The following WDR27 variants were observed in gnomAD, a reference collection of about 807,000 sequenced individuals.
WDR27 encodes WD repeat-containing protein 27.
Under a neutral mutation model 114.4 loss-of-function variants are expected in WDR27, and 100 were observed. The observed-to-expected ratio is 0.87, with a 90% confidence interval of 0.74 to 1.03. The LOEUF is 1.03. Ranked by LOEUF, WDR27 falls within the 50% of genes least tolerant of loss-of-function variation. The pLI, the probability that WDR27 is intolerant of heterozygous loss-of-function variation, is 0.00. For synonymous variants in WDR27, 449 were observed against 423.1 expected, an observed-to-expected ratio of 1.06 and a Z score of -0.75; for missense variants, 1,129 against 1,092.9, an observed-to-expected ratio of 1.03 and a Z score of -0.47.
chr6:169,467,067 A>C (rs1785686816), intron 25 of WDR27, among the ~76,000 whole-genome samples: 1 of 152,178 alleles, frequency 6.6e-6, no homozygotes, highest in Non-Finnish European at 1.5e-5. Flanking sequence ...GGGGCAGCCA[A>C]ATCTTAAAGC....
intron 1 of WDR27, among the ~76,000 whole-genome samples, chr6:169,693,742 CA>C (rs1164067862): frequency 6.7e-6 from 1 of 150,342 alleles, no homozygotes; most frequent in African/African-American, 2.4e-5. Context: ...AAAAAAAAGA[CA>C]AAGAGGGACA....
chr6:169,481,643 G>A (rs1788127550), intron 25 of WDR27, among the ~76,000 whole-genome samples: 1 of 151,988 alleles, frequency 6.6e-6, no homozygotes, highest in Non-Finnish European at 1.5e-5. Flanking sequence ...CTGCCTTTAT[G>A]AGCTGTAACA....
intron 17 of WDR27, among the ~76,000 whole-genome samples, chr6:169,641,560 G>A (rs1043074637): frequency 1.3e-5 from 2 of 152,162 alleles, no homozygotes; most frequent in African/African-American, 4.8e-5. Context: ...CCTGGACATG[G>A]ACCCCGCGCT....
intron 25 of WDR27, among the ~76,000 whole-genome samples, chr6:169,465,677 G>C (rs118025213): frequency 6.6e-6 from 1 of 152,158 alleles, no homozygotes; most frequent in Non-Finnish European, 1.5e-5. Context: ...GATAAGCAAA[G>C]TGTGGACCAC....
At chr6:169,485,929 G>A (rs1017179653) in intron 25 of WDR27, among the ~76,000 whole-genome samples, 3 of 152,084 alleles carry the variant, frequency 2.0e-5, no homozygotes, top group African/African-American at 4.8e-5. Context: ...AATACTGCAC[G>A]TTTTCACAAG....
At chr6:169,685,354 T>C (rs1009198184) in intron 2 of WDR27, among the ~76,000 whole-genome samples, 10 of 150,554 alleles carry the variant, frequency 6.6e-5, no homozygotes, top group Admixed American at 2.0e-4. Flanking sequence ...ACACCAATCA[T>C]AAGAAAATAT....
chr6:169,695,521 G>A (rs1373170458), intron 1 of WDR27, among the ~76,000 whole-genome samples: 3 of 152,232 alleles, frequency 2.0e-5, no homozygotes, highest in Admixed American at 6.5e-5. Context: ...CATTTTAGAG[G>A]GTAACACTCA....
chr6:169,435,234 A>C, the WDR27 span, among the ~76,000 whole-genome samples: 1 of 152,232 alleles, frequency 6.6e-6, no homozygotes, highest in Non-Finnish European at 1.5e-5. Context: ...GTCTAGGCAG[A>C]AGTTTGCTGC....
intron 17 of WDR27, among the ~76,000 whole-genome samples, chr6:169,641,965 A>C (rs548184750): frequency 6.6e-6 from 1 of 152,348 alleles, no homozygotes; most frequent in Middle Eastern, 3.4e-3. Context: ...CTGTCTTTGG[A>C]CTAGACACAA....
At chr6:169,452,463 G>A (rs1784188839), downstream of WDR27, among the ~76,000 whole-genome samples, 1 of 152,244 alleles carries the variant, frequency 6.6e-6, no homozygotes, top group Non-Finnish European at 1.5e-5. Flanking sequence ...GCTGCAGTGA[G>A]AGCAGCCGAG....
At chr6:169,516,836 C>CACACACACACACACACA (rs1562522095) in intron 25 of WDR27, among the ~76,000 whole-genome samples, 9 of 149,804 alleles carry the variant, frequency 6.0e-5, no homozygotes, top group Non-Finnish European at 8.9e-5. Flanking sequence ...CACACACACA[C>CACACACACACACACACA]CCCTCCCTTA....
At chr6:169,488,320 G>T (rs1465151956) in intron 25 of WDR27, among the ~76,000 whole-genome samples, 1 of 152,186 alleles carries the variant, frequency 6.6e-6, no homozygotes, top group Non-Finnish European at 1.5e-5. Flanking sequence ...CTCCATGGTG[G>T]AAGAGGCAAA....
chr6:169,509,625 T>C (rs1792498290), intron 25 of WDR27, among the ~76,000 whole-genome samples: 5 of 151,494 alleles, frequency 3.3e-5, no homozygotes, highest in Admixed American at 2.0e-4. Flanking sequence ...ATACAAAAAT[T>C]AATTCAAGAT....
intron 25 of WDR27, among the ~76,000 whole-genome samples, chr6:169,569,188 CA>C (rs1368502370): frequency 6.6e-6 from 1 of 152,122 alleles, no homozygotes; most frequent in Non-Finnish European, 1.5e-5. Flanking sequence ...GTTTTGTACA[CA>C]GGAAAATTAT....
intron 23 of WDR27, among the ~76,000 whole-genome samples, chr6:169,591,253 T>C (rs1381538961): frequency 3.3e-5 from 5 of 152,214 alleles, no homozygotes; most frequent in Admixed American, 6.5e-5. Flanking sequence ...ATTGGCCATC[T>C]GTATGTGTTC....
At chr6:169,496,561 A>G (rs1163258917) in intron 25 of WDR27, among the ~76,000 whole-genome samples, 4 of 152,142 alleles carry the variant, frequency 2.6e-5, no homozygotes, top group African/African-American at 7.2e-5. Context: ...AGATTCCACA[A>G]AAGTGTGTTA....
chr6:169,623,987 G>A (rs1814015441), intron 21 of WDR27, among the ~76,000 whole-genome samples: 1 of 152,154 alleles, frequency 6.6e-6, no homozygotes, highest in African/African-American at 2.4e-5. Context: ...ACGAGGCGAG[G>A]TGAACACCAG....
At chr6:169,689,565 T>C (rs1783914678) in intron 1 of WDR27, among the ~76,000 whole-genome samples, 1 of 152,268 alleles carries the variant, frequency 6.6e-6, no homozygotes, top group Non-Finnish European at 1.5e-5. Flanking sequence ...CCACAGGTTC[T>C]ATAATCAGTG....
intron 23 of WDR27, among the ~76,000 whole-genome samples, chr6:169,584,284 GCA>G (rs1348014178): frequency 6.6e-6 from 1 of 152,098 alleles, no homozygotes; most frequent in East Asian, 1.9e-4. Context: ...ACAGACATAG[GCA>G]CACACACTCC....
Sources: allele counts gnomAD v4.1 joint callset (sites outside exome capture counted in the v4.1 genomes callset), GRCh38; gene constraint gnomAD v4.1.1; transcripts MANE v1.5; gene names NCBI Gene and HGNC (gene_info 2026-07-23, HGNC 2026-07-21).